AFG1L: variants seen among roughly 807,000 people sequenced by gnomAD.
AFG1L encodes AFG1-like ATPase.
Under a neutral mutation model 62.2 loss-of-function variants are expected in AFG1L, and 53 were observed. The ratio of observed to expected loss-of-function variants is 0.85; its 90% confidence interval spans 0.68 to 1.07. The LOEUF (loss-of-function observed/expected upper bound fraction) is 1.07. Among genes scored for constraint, AFG1L ranks in the 50% least tolerant of loss-of-function variants. The pLI, the probability that AFG1L is intolerant of heterozygous loss-of-function variation, is 0.00. For synonymous variants in AFG1L, 228 were observed against 210.3 expected (o/e 1.08, Z -0.73); for missense variants, 555 against 590.5 (o/e 0.94, Z 0.62).
At chr6:108,475,913 A>C (rs928894344) in intron 8 of AFG1L, among the ~76,000 whole-genome samples, 1 of 152,222 alleles carries the variant, frequency 6.6e-6, no homozygotes, top group Non-Finnish European at 1.5e-5. Flanking sequence ...GACTTTAGTA[A>C]GATGGATGTC....
At chr6:108,454,786 G>A (rs1772187864) in intron 8 of AFG1L, among the ~76,000 whole-genome samples, 1 of 152,114 alleles carries the variant, frequency 6.6e-6, no homozygotes, top group Non-Finnish European at 1.5e-5. Flanking sequence ...CCGAGTAGCT[G>A]GGATTACAGG....
intron 6 of AFG1L, among the ~76,000 whole-genome samples, chr6:108,385,259 C>T (rs1379494184): frequency 6.6e-6 from 1 of 152,252 alleles, no homozygotes; most frequent in African/African-American, 2.4e-5. Flanking sequence ...AAAATCTCTG[C>T]AGCACTGTGA....
In AFG1L at chr6:108,441,712, A is replaced by AAAAATAT. The variant is rs1401294615; in HGVS notation, c.808-5501_808-5500insAAATATA. On this transcript the variant is annotated intron_variant, in intron 7 of 12. Transcript: ENST00000368977. The stretch of plus-strand genomic sequence containing the variant: ...ATCTGAGGTTTATTTAAAAAAAAAA[A>AAAAATAT]ATATATATATATATATATAAACTGA... Among the ~76,000 whole-genome samples the AAAAATAT allele has an allele frequency of 8.3e-3, 1,156 of 139,450 alleles. 16 individuals are homozygous for AAAAATAT. Among genetic ancestry groups the AAAAATAT allele is most frequent in the African/African-American group, 0.031 (1,112 of 35,388 alleles). 91.5% of individuals were successfully genotyped at this position (139,450 alleles called of 152,430 possible).
chr6:108,404,806 C>A (rs1781779420), intron 7 of AFG1L, among the ~76,000 whole-genome samples: 1 of 152,092 alleles, frequency 6.6e-6, no homozygotes, highest in Admixed American at 6.6e-5. Flanking sequence ...TGGCTCACTG[C>A]AACCTCTGCC....
chr6:108,316,067 T>C (rs1280457596), intron 1 of AFG1L, among the ~76,000 whole-genome samples: 1 of 151,034 alleles, frequency 6.6e-6, no homozygotes, highest in Non-Finnish European at 1.5e-5. Context: ...TTATAAAACA[T>C]TGGTTCTTAT....
chr6:108,334,464 G>T (rs1778399862), intron 2 of AFG1L, among the ~76,000 whole-genome samples: 2 of 151,870 alleles, frequency 1.3e-5, no homozygotes, highest in African/African-American at 4.8e-5. Flanking sequence ...AATTGAGGCG[G>T]GTGGATCACT....
chr6:108,298,802 A>C (rs1776867615), intron 1 of AFG1L, among the ~76,000 whole-genome samples: 1 of 152,238 alleles, frequency 6.6e-6, no homozygotes, highest in South Asian at 2.1e-4. Context: ...CCTGAAAAAC[A>C]AACCAGAAAT....
At chr6:108,461,293 C>CA (rs1462380438) in intron 8 of AFG1L, among the ~76,000 whole-genome samples, 1 of 152,128 alleles carries the variant, frequency 6.6e-6, no homozygotes, top group Non-Finnish European at 1.5e-5. Flanking sequence ...AGTTGGTTCT[C>CA]AAAAGTAGAT....
At chr6:108,455,480 G>A (rs925274391) in intron 8 of AFG1L, among the ~76,000 whole-genome samples, 2 of 151,954 alleles carry the variant, frequency 1.3e-5, no homozygotes, top group African/African-American at 4.8e-5. Flanking sequence ...ATTACTTTCT[G>A]TTTTCTATAT....
intron 11 of AFG1L, among the ~76,000 whole-genome samples, chr6:108,518,692 T>TA (rs1169471202): frequency 6.6e-6 from 1 of 152,210 alleles, no homozygotes; most frequent in Non-Finnish European, 1.5e-5. Flanking sequence ...CTAGTGGATA[T>TA]AAAAAATATA....
chr6:108,497,668 C>G (rs1774025530), intron 10 of AFG1L, among the ~76,000 whole-genome samples: 1 of 151,798 alleles, frequency 6.6e-6, no homozygotes, highest in Non-Finnish European at 1.5e-5. Flanking sequence ...CATAAAAATT[C>G]CAAAATTGAT....
intron 2 of AFG1L, among the ~76,000 whole-genome samples, chr6:108,345,748 T>C (rs1033022120): frequency 6.6e-6 from 1 of 152,184 alleles, no homozygotes; most frequent in African/African-American, 2.4e-5. Flanking sequence ...TGTTGGAAGT[T>C]TTTTCCAAAT....
chr6:108,416,233 T>C (rs879422706), intron 7 of AFG1L, among the ~76,000 whole-genome samples: 1 of 152,124 alleles, frequency 6.6e-6, no homozygotes, highest in Non-Finnish European at 1.5e-5. Context: ...TACCATCTCA[T>C]ACCAGTTTTA....
At chr6:108,300,490 A>G (rs1310302955) in intron 1 of AFG1L, among the ~76,000 whole-genome samples, 4 of 152,072 alleles carry the variant, frequency 2.6e-5, no homozygotes, top group Non-Finnish European at 4.4e-5. Flanking sequence ...TAACCCTCCT[A>G]TATATGAATT....
chr6:108,499,387 A>G (rs952134560), intron 10 of AFG1L, among the ~76,000 whole-genome samples: 2 of 151,880 alleles, frequency 1.3e-5, no homozygotes, highest in East Asian at 3.9e-4. Context: ...TAACTTTCTA[A>G]AAGTCAGTTT....
intron 10 of AFG1L, among the ~76,000 whole-genome samples, chr6:108,497,207 C>T (rs762795766): frequency 4.6e-5 from 7 of 152,092 alleles, no homozygotes; most frequent in South Asian, 2.1e-4. Context: ...CTTCCAGCAG[C>T]GATGGATGCT....
At chr6:108,514,158 G>A (rs954315123) in intron 11 of AFG1L, among the ~76,000 whole-genome samples, 11 of 152,228 alleles carry the variant, frequency 7.2e-5, no homozygotes, top group Admixed American at 3.9e-4. Context: ...CCACAAAGAC[G>A]GGGAAAAAAC....
rs577788619 is a variant in AFG1L, at chr6:108,475,082, G to A, written c.891-1783G>A. On this transcript the variant is annotated intron_variant, in intron 8 of 12. Coordinates refer to ENST00000368977, the MANE Select transcript of AFG1L (RefSeq NM_145315.5). ...ATTTTTATATAAGGCATAAGGAAGG[G>A]GTCCAGTTTTGGTTTTCTGCATATG... is the stretch of plus-strand genomic sequence containing the variant. Among the ~76,000 whole-genome samples the A allele has an allele frequency of 1.6e-4, 25 of 152,254 alleles. No individual in the cohort carries two copies. In the South Asian group the frequency reaches 5.2e-3, roughly 32 times the overall value.
intron 2 of AFG1L, among the ~76,000 whole-genome samples, chr6:108,331,212 G>C (rs560047409): frequency 3.2e-4 from 48 of 152,162 alleles, no homozygotes; most frequent in Non-Finnish European, 5.6e-4. Flanking sequence ...CTTGAGCCCA[G>C]AAGGTTGAGG....
Sources: gnomAD v4.1 joint callset for allele counts (sites outside exome capture counted in the v4.1 genomes callset) on GRCh38, gnomAD v4.1.1 for gene constraint, MANE v1.5 for transcripts, NCBI Gene and HGNC (gene_info 2026-07-23, HGNC 2026-07-21) for gene names.